Variants in MARCHF8 observed in about 807,000 individuals in gnomAD.
MARCHF8 encodes the protein E3 ubiquitin-protein ligase MARCHF8.
A neutral mutation model predicts 51.6 loss-of-function variants in MARCHF8; 40 were observed. The observed-to-expected ratio is 0.77, with a 90% CI of 0.60 to 1.01. MARCHF8 has a LOEUF of 1.01. MARCHF8 is among the 50% of genes least tolerant of loss of function. The pLI is 0.00. For missense variants in MARCHF8, 685 were observed against 708.6 expected (o/e 0.97, Z 0.38); for synonymous variants, 263 against 280.3 (o/e 0.94, Z 0.62).
intron 7 of MARCHF8, among the ~76,000 whole-genome samples, chr10:45,458,812 A>G (rs979087052): frequency 1.3e-5 from 2 of 152,136 alleles, no homozygotes; most frequent in Non-Finnish European, 1.5e-5. Flanking sequence ...CCACTGACCA[A>G]TGGATTCACA....
At chr10:45,581,563 G>T (rs11239567) in intron 1 of MARCHF8, among the ~76,000 whole-genome samples, 36,670 of 152,078 alleles carry the variant, frequency 0.24, 4,591 homozygotes, top group South Asian at 0.37. Flanking sequence ...CCAAGGGCTT[G>T]CTCCTATAAA....
chr10:45,463,815 G>A lies in MARCHF8; in HGVS notation c.424C>T (p.Pro142Ser), dbSNP rs1277673656. Residue 142 changes from proline to serine, a missense_variant, in exon 5 of 8, where the codon CCT becomes TCT. Pro to Ser is a moderately conservative substitution (Grantham distance 74). Transcript: ENST00000453424. ...CTTCTGGCTTTGGTATTCTTAGCAG[G>A]CTTCAAGGCCTGGGCCCATTCTGAA... ...FGSEWAQALKPAKNTKARRTL... is the reference protein window; with the variant it reads ...FGSEWAQALKSAKNTKARRTL... 6.5e-6 allele frequency: 10 copies of A among 1,548,320 alleles called. No homozygotes were observed. Among genetic ancestry groups the A allele is most frequent in the African/African-American group, 4.1e-5 (3 of 73,036 alleles).
At chr10:45,570,000 CAAGAT>C (rs1564519640) in intron 1 of MARCHF8, among the ~76,000 whole-genome samples, 2 of 152,176 alleles carry the variant, frequency 1.3e-5, no homozygotes, top group Non-Finnish European at 2.9e-5. Flanking sequence ...ACAACTGACA[CAAGAT>C]AAAACTTTTA....
chr10:45,559,824 G>C (rs1036029294), intron 1 of MARCHF8, among the ~76,000 whole-genome samples: 1 of 152,126 alleles, frequency 6.6e-6, no homozygotes, highest in African/African-American at 2.4e-5. Flanking sequence ...CTGCAACTGG[G>C]TCATTCATTT....
intron 3 of MARCHF8, among the ~76,000 whole-genome samples, chr10:45,478,580 AG>A (rs1459500691): frequency 2.6e-5 from 4 of 151,186 alleles, no homozygotes; most frequent in Non-Finnish European, 4.4e-5. Context: ...AAAAAAAAAA[AG>A]ATCAATGAAA....
chr10:45,496,730 G>A (rs1323678622), intron 2 of MARCHF8, among the ~76,000 whole-genome samples: 1 of 151,658 alleles, frequency 6.6e-6, no homozygotes, highest in East Asian at 1.9e-4. Context: ...ATGTCTTACA[G>A]GAATTAAATC....
chr10:45,560,725 C>T (rs1589178251), intron 1 of MARCHF8, among the ~76,000 whole-genome samples: 1 of 152,116 alleles, frequency 6.6e-6, no homozygotes, highest in African/African-American at 2.4e-5. Flanking sequence ...CATCTGTCCT[C>T]GTGGGAAGAG....
At chr10:45,465,257 CA>C (rs1157101442) in intron 3 of MARCHF8, among the ~76,000 whole-genome samples, 2 of 152,192 alleles carry the variant, frequency 1.3e-5, no homozygotes, top group African/African-American at 4.8e-5. Flanking sequence ...CTCCTTAAGA[CA>C]GTAAGCCTGA....
intron 3 of MARCHF8, among the ~76,000 whole-genome samples, chr10:45,488,181 C>G (rs182286153): frequency 6.6e-6 from 1 of 152,254 alleles, no homozygotes; most frequent in Admixed American, 6.5e-5. Context: ...ATTCACTTCC[C>G]AAGCCCTCCT....
At chr10:45,470,421 A>C (rs551321755) in intron 3 of MARCHF8, among the ~76,000 whole-genome samples, 2 of 152,256 alleles carry the variant, frequency 1.3e-5, no homozygotes, top group Admixed American at 1.3e-4. Context: ...TGCGGTATCA[A>C]TCTCTCTGAC....
At chr10:45,565,397 C>T (rs1364821838) in intron 1 of MARCHF8, among the ~76,000 whole-genome samples, 1 of 151,932 alleles carries the variant, frequency 6.6e-6, no homozygotes, top group Admixed American at 6.6e-5. Context: ...TGACTGCACT[C>T]CAGCCTGGGC....
chr10:45,518,041 A>G lies in MARCHF8; in HGVS notation c.102+15069T>C, dbSNP rs556036279. Among the ~76,000 whole-genome samples, 5 of 152,316 alleles carry G rather than the reference A, an allele frequency of 3.3e-5. No individual in the cohort carries two copies. The South Asian group carries it at 1.0e-3, about 32-fold the overall frequency. ...ACTTAATTTTTTTGCATTATCAGGT[A>G]CTTCTCTCAGAGACTAGGCTTCCTG... On this transcript the variant is annotated intron_variant, in intron 2 of 7. Transcript: ENST00000453424.
chr10:45,546,982 G>C (rs1443229972), intron 1 of MARCHF8, among the ~76,000 whole-genome samples: 4 of 152,194 alleles, frequency 2.6e-5, no homozygotes, highest in African/African-American at 4.8e-5. Context: ...CAGCTACTTG[G>C]GAGGCTGAGG....
chr10:45,576,750 C>T (rs1365307443), intron 1 of MARCHF8, among the ~76,000 whole-genome samples: 3 of 148,422 alleles, frequency 2.0e-5, no homozygotes, highest in East Asian at 4.0e-4. Flanking sequence ...AGTGAGGCTT[C>T]ATCTCTACTA....
chr10:45,573,236 T>C (rs2044451707), intron 1 of MARCHF8, among the ~76,000 whole-genome samples: 1 of 152,166 alleles, frequency 6.6e-6, no homozygotes, highest in African/African-American at 2.4e-5. Context: ...AGTCAGCTCC[T>C]GACATTAAAT....
intron 1 of MARCHF8, among the ~76,000 whole-genome samples, chr10:45,592,681 C>T (rs35490739): frequency 0.011 from 1,736 of 152,254 alleles, 20 homozygotes; most frequent in Non-Finnish European, 0.014. Flanking sequence ...AAGAACCAGA[C>T]GCTACTACTG....
In MARCHF8 at chr10:45,457,773, C is replaced by A; in HGVS notation, c.*466G>T. The A allele has an allele frequency of 6.4e-6, 1 of 156,080 alleles. No individual in the cohort carries two copies. Among genetic ancestry groups the A allele is most frequent in the South Asian group, 2.0e-4 (1 of 4,934 alleles). 9.7% of individuals were successfully genotyped at this position (156,080 alleles called of 1,614,324 possible). A position where few individuals can be genotyped will look rare whatever the true frequency, so the allele number is the denominator to read the frequency against. On this transcript the variant is annotated 3_prime_UTR_variant, in exon 8 of 8. Transcript: ENST00000453424. Reference sequence around the variant, plus strand: ...CAGGCAGGAGTCTGTGTTTGGGGGTCTGTTTCAATACCATCTCCTGGGGTT... The same window carrying A: ...CAGGCAGGAGTCTGTGTTTGGGGGTATGTTTCAATACCATCTCCTGGGGTT...
chr10:45,490,704 C>A (rs2043065482), intron 2 of MARCHF8, among the ~76,000 whole-genome samples: 1 of 152,122 alleles, frequency 6.6e-6, no homozygotes, highest in Non-Finnish European at 1.5e-5. Context: ...CATTCTTGCT[C>A]TAAACCCAAA....
At chr10:45,549,625 A>T (rs1278586569) in intron 1 of MARCHF8, among the ~76,000 whole-genome samples, 2 of 152,196 alleles carry the variant, frequency 1.3e-5, no homozygotes, top group African/African-American at 4.8e-5. Flanking sequence ...AAGTTCATGT[A>T]TTGGAAACTT....
Sources: gnomAD v4.1 joint callset for allele counts (sites outside exome capture counted in the v4.1 genomes callset) on GRCh38, gnomAD v4.1.1 for gene constraint, MANE v1.5 for transcripts, NCBI Gene and HGNC (gene_info 2026-07-23, HGNC 2026-07-21) for gene names.